Variants in SPTBN4 observed in about 807,000 individuals in gnomAD.
SPTBN4 encodes the protein spectrin beta chain, non-erythrocytic 4.
Under a neutral mutation model 277.8 loss-of-function variants are expected in SPTBN4, and 96 were observed. That is an observed-to-expected ratio of 0.35 (90% CI 0.29 to 0.41). The LOEUF is 0.41. Among genes scored for constraint, SPTBN4 ranks in the 10% least tolerant of loss-of-function variants. The pLI, the probability that SPTBN4 is intolerant of heterozygous loss-of-function variation, is 1.00. For missense variants in SPTBN4, 3,006 were observed against 3,595.7 expected, an observed-to-expected ratio of 0.84 and a Z score of 4.19; for synonymous variants, 1,481 against 1,580.3, an observed-to-expected ratio of 0.94 and a Z score of 1.49.
chr19:40,563,012 C>T (rs1424729822), intron 27 of SPTBN4, among the ~76,000 whole-genome samples: 1 of 151,992 alleles, frequency 6.6e-6, no homozygotes, highest in Admixed American at 6.6e-5. Context: ...GAGTTTGAGA[C>T]TACCCTACGC....
chr19:40,488,786 G>A (rs374219576), intron 3 of SPTBN4, among the ~76,000 whole-genome samples: 17 of 152,110 alleles, frequency 1.1e-4, no homozygotes, highest in African/African-American at 3.9e-4. Flanking sequence ...CTGCAGCCTG[G>A]GCGACAAAGC....
At chr19:40,523,892 C>T (rs2080558759) in intron 17 of SPTBN4, among the ~76,000 whole-genome samples, 1 of 152,204 alleles carries the variant, frequency 6.6e-6, no homozygotes, top group African/African-American at 2.4e-5. Context: ...CAACCCTCAC[C>T]TCCCAGGTTC....
rs370780280 is a variant in SPTBN4 at position 40,522,285 on chromosome 19, C to T, written c.3655-1152C>T. 1.3e-4 allele frequency among the ~76,000 whole-genome samples: 19 copies of T among 151,950 alleles called. No individual in the cohort carries two copies. In the East Asian group the frequency reaches 2.7e-3, roughly 22 times the overall value. Reference sequence around the variant, plus strand: ...TCAAGTGATCCTCCCGCCTCTGCCTCCCAAAGTGCTGGGATTATAGGCATG... The same window carrying T: ...TCAAGTGATCCTCCCGCCTCTGCCTTCCAAAGTGCTGGGATTATAGGCATG... On this transcript the variant is annotated intron_variant, in intron 16 of 35. Transcript: ENST00000598249.
intron 22 of SPTBN4, among the ~76,000 whole-genome samples, chr19:40,551,643 G>A (rs779129063): frequency 5.3e-5 from 8 of 152,110 alleles, no homozygotes; most frequent in African/African-American, 7.2e-5. Flanking sequence ...GGAACCCCTT[G>A]GTCAAAGCAA....
intron 3 of SPTBN4, 140 bp downstream of exon 3, chr19:40,487,988 A>T: frequency 1.0e-6 from 1 of 1,001,530 alleles, no homozygotes; most frequent in East Asian, 3.0e-5. Flanking sequence ...CCTGTGGGTA[A>T]GAGGTCCCTC....
intron 18 of SPTBN4, 145 bp downstream of exon 18, chr19:40,529,276 C>A: frequency 1.4e-6 from 1 of 732,202 alleles, no homozygotes; most frequent in Non-Finnish European, 2.2e-6. Context: ...GCGCGCGGAG[C>A]CGGGTCTCAG....
At chr19:40,474,239 C>T (rs2079921872) in intron 2 of SPTBN4, among the ~76,000 whole-genome samples, 1 of 150,242 alleles carries the variant, frequency 6.7e-6, no homozygotes, top group African/African-American at 2.4e-5. Context: ...TCATTGTTCC[C>T]TAGGATCATA....
At chr19:40,496,147 T>TTTTATTTATTTA (rs952996145) in intron 6 of SPTBN4, among the ~76,000 whole-genome samples, 1 of 152,098 alleles carries the variant, frequency 6.6e-6, no homozygotes, top group Admixed American at 6.6e-5. Context: ...CAGGTGCTAT[T>TTTTATTTATTTA]TTTATTTATT....
At chr19:40,552,016 T>C (rs1324542841) in intron 22 of SPTBN4, among the ~76,000 whole-genome samples, 1 of 142,072 alleles carries the variant, frequency 7.0e-6, no homozygotes, top group Non-Finnish European at 1.5e-5. Context: ...AAAACATCGA[T>C]TAAAGATTTA....
In SPTBN4 at chr19:40,523,517, C is replaced by T. The variant is rs368362780; in HGVS notation, c.3735C>T (p.Leu1245=). ...EEALKQHRDF[L]TTMELSQQKM... The stretch of plus-strand genomic sequence containing the variant: ...CCTTGAAACAGCACCGTGACTTTCT[C>T]ACCACCATGGAGCTGAGCCAGCAAA... The change falls in exon 17 of 36, where the codon CTC becomes CTT. Residue 1245 remains leucine, a synonymous_variant. Transcript: ENST00000598249. 7 of 1,614,156 alleles carry T rather than the reference C, an allele frequency of 4.3e-6. No individual in the cohort carries two copies. The highest frequency in any genetic ancestry group is 5.9e-6 in the Non-Finnish European group (7 of 1,180,018).
intron 2 of SPTBN4, among the ~76,000 whole-genome samples, chr19:40,479,965 G>GGTGGGGC (rs2079991960): frequency 1.3e-5 from 2 of 151,532 alleles, no homozygotes; most frequent in South Asian, 4.1e-4. Flanking sequence ...AAATTAGCTG[G>GGTGGGGC]GTGGGGCCAG....
intron 26 of SPTBN4, among the ~76,000 whole-genome samples, chr19:40,558,433 G>C (rs1015153059): frequency 6.6e-6 from 1 of 151,974 alleles, no homozygotes; most frequent in Non-Finnish European, 1.5e-5. Flanking sequence ...TGATGGGGGC[G>C]AATTTAATGA....
rs34510741 is a variant in SPTBN4, at chr19:40,556,996, A to ACCC, written c.5290-18_5290-16dup. 4.0e-3 allele frequency: 5,404 copies of ACCC among 1,360,196 alleles called. 96 individuals carry two copies. The highest frequency in any genetic ancestry group is 6.7e-3 in the African/African-American group (415 of 62,270). The allele number at this position is 1,360,196 out of a possible 1,614,324, so 84.3% of individuals were successfully genotyped here. A position where few individuals can be genotyped will look rare whatever the true frequency, so the allele number is the denominator to read the frequency against. On this transcript the variant is annotated intron_variant, in intron 25 of 35. Transcript: ENST00000598249. ...GCTGCCCCTTTGCTCACTTTGCTGT[A>ACCC]CCCCCCCCCCCACTTCCTGATGGCA...
chr19:40,485,205 A>G (rs2080058157), intron 2 of SPTBN4, among the ~76,000 whole-genome samples: 1 of 152,026 alleles, frequency 6.6e-6, no homozygotes, highest in Non-Finnish European at 1.5e-5. Flanking sequence ...GCTGGAGTGC[A>G]GTGGCACGAT....
chr19:40,516,094 C>G (rs983673486), intron 15 of SPTBN4, among the ~76,000 whole-genome samples: 8 of 147,190 alleles, frequency 5.4e-5, no homozygotes, highest in African/African-American at 2.0e-4. Flanking sequence ...AAAATTTAGC[C>G]AAGCATGGTG....
At chr19:40,567,533 C>A in intron 30 of SPTBN4, 130 bp from the exon 31 acceptor site, 1 of 892,470 alleles carries the variant, frequency 1.1e-6, no homozygotes, top group Non-Finnish European at 1.6e-6. Context: ...CAGGCCTGGA[C>A]ACCTTGCTTT....
intron 20 of SPTBN4, among the ~76,000 whole-genome samples, chr19:40,544,127 CTTTTTTTT>C (rs10618096): frequency 7.8e-6 from 1 of 128,914 alleles, no homozygotes; most frequent in Non-Finnish European, 1.6e-5. Context: ...TCTTCTTCCT[CTTTTTTTT>C]TTTTTTTTTT....
At chr19:40,532,086 G>T (rs1393347371) in intron 18 of SPTBN4, among the ~76,000 whole-genome samples, 5 of 151,686 alleles carry the variant, frequency 3.3e-5, no homozygotes, top group African/African-American at 7.3e-5. Context: ...GAGGTTGTTT[G>T]GGGGGTTTAT....
At chr19:40,507,205 C>T (rs976104474) in intron 13 of SPTBN4, among the ~76,000 whole-genome samples, 8 of 151,790 alleles carry the variant, frequency 5.3e-5, no homozygotes, top group African/African-American at 1.9e-4. Flanking sequence ...GTCCCAGCCA[C>T]TGCAGAGGCT....
Sources: allele counts gnomAD v4.1 joint callset (sites outside exome capture counted in the v4.1 genomes callset), GRCh38; gene constraint gnomAD v4.1.1; transcripts MANE v1.5; gene names NCBI Gene and HGNC (gene_info 2026-07-23, HGNC 2026-07-21).